Variants in KIRREL3 observed in about 807,000 individuals in gnomAD.
KIRREL3 encodes the protein kirre like nephrin family adhesion molecule 3, also known as kin of IRRE-like protein 3.
KIRREL3 carries 36 observed loss-of-function variants against 89.7 expected under a neutral mutation model. The observed-to-expected ratio is 0.40, with a 90% CI of 0.31 to 0.53. KIRREL3 has a LOEUF of 0.53. Among genes scored for constraint, KIRREL3 ranks in the 20% least tolerant of loss-of-function variants. The pLI is 0.49. For synonymous variants in KIRREL3, 445 were observed against 441.4 expected, an observed-to-expected ratio of 1.01 and a Z score of -0.10; for missense variants, 864 against 1,056.6, an observed-to-expected ratio of 0.82 and a Z score of 2.53.
intron 1 of KIRREL3, among the ~76,000 whole-genome samples, chr11:126,818,127 G>C (rs7106354): frequency 0.86 from 131,483 of 152,274 alleles, 57,117 homozygotes; most frequent in East Asian, 1. Context: ...CAAAGATCAG[G>C]TTGTAAGGTG....
intron 1 of KIRREL3, among the ~76,000 whole-genome samples, chr11:126,836,348 G>T (rs958727317): frequency 6.6e-6 from 1 of 152,124 alleles, no homozygotes. Context: ...TACCTTTAAG[G>T]TTCCTCCCTG....
At chr11:126,598,248 G>A (rs999253049) in intron 1 of KIRREL3, among the ~76,000 whole-genome samples, 2 of 152,216 alleles carry the variant, frequency 1.3e-5, no homozygotes, top group Non-Finnish European at 2.9e-5. Context: ...GAAGTGGAAA[G>A]AATTTTGGAT....
rs1008772707 is a variant in KIRREL3 at position 126,576,512 on chromosome 11, G to A, written c.56-13600C>T. Among the ~76,000 whole-genome samples, 11 of 152,072 alleles carry A rather than the reference G, an allele frequency of 7.2e-5. No homozygotes were observed. The highest frequency in any genetic ancestry group is 2.1e-4 in the South Asian group (1 of 4,826). ...TCTATGTAGTTCCTTTCCCTTACAC[G>A]TAATTTAGAGGTAGGAAGTTTCATG... is the stretch of plus-strand genomic sequence containing the variant. On this transcript the variant is annotated intron_variant, in intron 1 of 16. Coordinates refer to ENST00000525144, the MANE Select transcript of KIRREL3 (RefSeq NM_032531.4). The surrounding 1 kb of genome is among the most constrained non-coding windows in gnomAD (Gnocchi z 5.4).
At chr11:126,577,675 T>C (rs538631259) in intron 1 of KIRREL3, among the ~76,000 whole-genome samples, 47 of 150,306 alleles carry the variant, frequency 3.1e-4, no homozygotes, top group African/African-American at 1.1e-3. Flanking sequence ...GGCAGAAGAA[T>C]GGCTTGAACC....
Position 126,808,515 on chromosome 11 carries a change from C to T in KIRREL3, c.55+191940G>A, listed in dbSNP as rs1314534402. 1.3e-5 allele frequency among the ~76,000 whole-genome samples: 2 copies of T among 152,158 alleles called. No homozygotes were observed. The highest frequency in any genetic ancestry group is 6.5e-5 in the Admixed American group (1 of 15,274). ...CAGTGACCTCCTGAGGCAGCAGACT[C>T]CACAGGCTTACTGCAGGGCTATACA... On this transcript the variant is annotated intron_variant, in intron 1 of 16. Transcript: ENST00000525144. This position sits in a 1 kb window ranked among gnomAD's most constrained non-coding sequence, Gnocchi z 4.1.
At chr11:126,549,166 T>C (rs765878543) in intron 2 of KIRREL3, 7 of 152,230 alleles carry the variant, frequency 4.6e-5, no homozygotes, top group Non-Finnish European at 7.3e-5. Context: ...TTACTGAAAC[T>C]GTCACCGTGT....
chr11:126,838,331 G>C (rs745885888), intron 1 of KIRREL3, among the ~76,000 whole-genome samples: 2 of 152,134 alleles, frequency 1.3e-5, no homozygotes, highest in East Asian at 3.9e-4. Flanking sequence ...CAAAGGAAAA[G>C]AAACTTCAAC....
chr11:126,757,306 A>G (rs1439172860), intron 1 of KIRREL3, among the ~76,000 whole-genome samples: 1 of 152,138 alleles, frequency 6.6e-6, no homozygotes, highest in African/African-American at 2.4e-5. Flanking sequence ...GAAAATAAAA[A>G]AAAAAAGAAA....
At chr11:126,467,808 C>G (rs946253753) in intron 5 of KIRREL3, among the ~76,000 whole-genome samples, 5 of 152,150 alleles carry the variant, frequency 3.3e-5, no homozygotes, top group Non-Finnish European at 7.4e-5. Context: ...AGAGGGGTGC[C>G]CTTCACAGAG....
At chr11:126,875,982 A>C (rs1006079620) in intron 1 of KIRREL3, among the ~76,000 whole-genome samples, 2 of 152,194 alleles carry the variant, frequency 1.3e-5, no homozygotes, top group African/African-American at 4.8e-5. Flanking sequence ...GGTGAAACCG[A>C]AATTGAATCT....
rs185273680 is a variant in KIRREL3 at position 126,703,775 on chromosome 11, A to T, written c.56-140863T>A. Among the ~76,000 whole-genome samples the T allele has an allele frequency of 1.7e-3, 260 of 152,330 alleles. 1 individual carries two copies. Among genetic ancestry groups the T allele is most frequent in the South Asian group, 5.2e-3 (25 of 4,824 alleles). On this transcript the variant is annotated intron_variant, in intron 1 of 16. Coordinates refer to ENST00000525144, the MANE Select transcript of KIRREL3 (RefSeq NM_032531.4). This position sits in a 1 kb window ranked among gnomAD's most constrained non-coding sequence, Gnocchi z 4.6. ...CCTGTCTCAGAGGGCAGGAAAGAGA[A>T]TGGGGAGCCCTTGCAGAATGTGGTT... is the stretch of plus-strand genomic sequence containing the variant.
chr11:126,499,254 C>T (rs111278994), intron 4 of KIRREL3, among the ~76,000 whole-genome samples: 110 of 152,244 alleles, frequency 7.2e-4, no homozygotes, highest in Admixed American at 2.2e-3. Flanking sequence ...TAGGAGTCCC[C>T]TGGCTAACGA....
At position 126,879,711 on chromosome 11, in the gene KIRREL3, G is replaced by T. The variant is rs1230000847; in HGVS notation, c.55+120744C>A. Among the ~76,000 whole-genome samples, 1 of 152,200 alleles carries T rather than the reference G, an allele frequency of 6.6e-6. No homozygotes were observed. Among genetic ancestry groups the T allele is most frequent in the Non-Finnish European group, 1.5e-5 (1 of 68,036 alleles). ...TTTGTGGTTCAGTCATTTAACCTTT[G>T]CACATTTCTGAGTGGGTCATCTGAG... On this transcript the variant is annotated intron_variant, in intron 1 of 16. Transcript: ENST00000525144. This position sits in a 1 kb window ranked among gnomAD's most constrained non-coding sequence, Gnocchi z 5.4.
At position 126,460,735 on chromosome 11, in the gene KIRREL3, C is replaced by T. The variant is rs138557013; in HGVS notation, c.742+2422G>A. 4.5e-4 allele frequency among the ~76,000 whole-genome samples: 68 copies of T among 152,300 alleles called. 1 individual carries two copies. Among genetic ancestry groups the T allele is most frequent in the African/African-American group, 1.6e-3 (67 of 41,562 alleles). On this transcript the variant is annotated intron_variant, in intron 6 of 16. Transcript: ENST00000525144. ...CTTCTGTGGGCATGAGTGCAGAAGGCCGGGTGGGCTGTGGTTAGGAGGGCG... is the reference window on the plus strand; with the variant it reads ...CTTCTGTGGGCATGAGTGCAGAAGGTCGGGTGGGCTGTGGTTAGGAGGGCG...
Position 126,708,669 on chromosome 11 carries a change from A to T in KIRREL3, c.56-145757T>A, listed in dbSNP as rs1384224985. ...CCAAGAGCGGCACTCCCACCTGGGC[A>T]CTCCTTGCTGATGGACCGGGACCTC... On this transcript the variant is annotated intron_variant, in intron 1 of 16. Transcript: ENST00000525144. The surrounding 1 kb of genome is among the most constrained non-coding windows in gnomAD (Gnocchi z 5.7). 6.6e-6 allele frequency among the ~76,000 whole-genome samples: 1 copy of T among 151,982 alleles called. No homozygotes were observed.
At position 126,969,290 on chromosome 11, in the gene KIRREL3, A is replaced by G. The variant is rs1949365101; in HGVS notation, c.55+31165T>C. On this transcript the variant is annotated intron_variant, in intron 1 of 16. Transcript: ENST00000525144. This position sits in a 1 kb window ranked among gnomAD's most constrained non-coding sequence, Gnocchi z 4.9. ...ACACAGGGAATGAAGGGATAGACAG[A>G]TGTCCTATCTTTGGGAATGCTGGCC... Among the ~76,000 whole-genome samples the G allele has an allele frequency of 6.6e-6, 1 of 152,146 alleles. No individual in the cohort carries two copies. The highest frequency in any genetic ancestry group is 1.5e-5 in the Non-Finnish European group (1 of 68,032).
chr11:126,720,924 G>A (rs1948146151), intron 1 of KIRREL3, among the ~76,000 whole-genome samples: 1 of 152,196 alleles, frequency 6.6e-6, no homozygotes, highest in Non-Finnish European at 1.5e-5. Context: ...AAGGGCAGGG[G>A]CAGGGAACAA....
intron 1 of KIRREL3, among the ~76,000 whole-genome samples, chr11:126,871,772 G>A (rs71475986): frequency 6.6e-6 from 1 of 152,204 alleles, no homozygotes; most frequent in Non-Finnish European, 1.5e-5. Flanking sequence ...GGAGTGATCA[G>A]AGGAGACCTG....
intron 10 of KIRREL3, among the ~76,000 whole-genome samples, chr11:126,442,272 AC>A (rs1215700866): frequency 0.21 from 24,719 of 116,518 alleles, 4,047 homozygotes; most frequent in East Asian, 0.29. Context: ...AAAAAAAAAA[AC>A]AAAAAAAAAA....
Sources: allele counts gnomAD v4.1 joint callset (sites outside exome capture counted in the v4.1 genomes callset), GRCh38; gene constraint gnomAD v4.1.1; non-coding constraint Gnocchi (gnomAD v3.1); transcripts MANE v1.5; gene names NCBI Gene and HGNC (gene_info 2026-07-23, HGNC 2026-07-21).